Variants in VIP observed in about 807,000 individuals in gnomAD.
The protein encoded by VIP is VIP peptides.
VIP carries 18 observed loss-of-function variants against 20.1 expected under a neutral mutation model. The ratio of observed to expected loss-of-function variants is 0.90; its 90% CI spans 0.62 to 1.33. The LOEUF (loss-of-function observed/expected upper bound fraction) is 1.33. Ranked by LOEUF, VIP falls within the 40% of genes most tolerant of loss-of-function variation. The pLI is 0.00. For missense variants in VIP, 209 were observed against 199.4 expected, an observed-to-expected ratio of 1.05 and a Z score of -0.29; for synonymous variants, 70 against 68.1, an observed-to-expected ratio of 1.03 and a Z score of -0.14.
intron 5 of VIP, 110 bp from the exon 6 acceptor site, chr6:152,756,986 C>T: frequency 1.0e-6 from 1 of 958,054 alleles, no homozygotes; most frequent in Non-Finnish European, 1.6e-6. Context: ...TTAGCCTCCC[C>T]ATACACTTTC....
At position 152,752,208 on chromosome 6, in the gene VIP, G is replaced by A. The variant is rs773308787; in HGVS notation, c.31G>A (p.Val11Met). MDTRNKAQLL[V>M]LLTLLSVLFS... ...CACCAGAAATAAGGCCCAGCTCCTT[G>A]TGCTCCTGACTCTTCTCAGTGTGCT... Residue 11 changes from valine to methionine, a missense_variant, in exon 2 of 7, where the codon GTG becomes ATG. By Grantham distance (21) the Val-to-Met change is conservative. Coordinates refer to ENST00000367244, the MANE Select transcript of VIP (RefSeq NM_003381.4). The A allele has an allele frequency of 6.2e-7, 1 of 1,613,502 alleles. No individual in the cohort carries two copies.
chr6:152,753,744 C>T lies in VIP; in HGVS notation c.108-422C>T, dbSNP rs141354226. Reference sequence around the variant, plus strand: ...TTGGAACAGGTAATACTGAACATCACCAAATCCATAAATTGTTATCAGTTC... The same window carrying T: ...TTGGAACAGGTAATACTGAACATCATCAAATCCATAAATTGTTATCAGTTC... On this transcript the variant is annotated intron_variant, in intron 2 of 6. Transcript: ENST00000367244. Among the ~76,000 whole-genome samples the T allele has an allele frequency of 3.5e-3, 528 of 152,144 alleles. 3 individuals carry two copies. Among genetic ancestry groups the T allele is most frequent in the Non-Finnish European group, 5.5e-3 (377 of 67,968 alleles).
rs1200247544 is a variant in VIP, at chr6:152,754,148, T to C, written c.108-18T>C. On this transcript the variant is annotated intron_variant, in intron 2 of 6. Transcript: ENST00000367244. ...CTGAAAAAAGAATGTATTATTCTCG[T>C]GTAACTTTCCCCATCAGGTTGGGTG... The C allele has an allele frequency of 6.2e-7, 1 of 1,606,456 alleles. No individual in the cohort carries two copies. The highest frequency in any genetic ancestry group is 8.5e-7 in the Non-Finnish European group (1 of 1,176,694).
At position 152,752,248 on chromosome 6, in the gene VIP, C is replaced by T. The variant is rs770412296; in HGVS notation, c.71C>T (p.Ser24Leu). ...CTCAGTGTGCTCTTCTCACAGACTTCGGCATGGCCTCTTTACAGGGCACCT... is the reference window on the plus strand; with the variant it reads ...CTCAGTGTGCTCTTCTCACAGACTTTGGCATGGCCTCTTTACAGGGCACCT... Reference protein sequence around the residue: ...TLLSVLFSQTSAWPLYRAPSA... With the variant: ...TLLSVLFSQTLAWPLYRAPSA... Residue 24 changes from serine to leucine, a missense_variant, in exon 2 of 7, where the codon TCG becomes TTG. By Grantham distance (145) the Ser-to-Leu change is moderately radical (BLOSUM62 -2). Coordinates refer to ENST00000367244, the MANE Select transcript of VIP (RefSeq NM_003381.4). The T allele has an allele frequency of 1.7e-5, 27 of 1,613,384 alleles. No homozygotes were observed. The highest frequency in any genetic ancestry group is 6.7e-5 in the East Asian group (3 of 44,874).
intron 5 of VIP, among the ~76,000 whole-genome samples, chr6:152,756,770 G>T (rs1373026271): frequency 6.6e-6 from 1 of 151,680 alleles, no homozygotes; most frequent in Non-Finnish European, 1.5e-5. Flanking sequence ...GTAAATATTG[G>T]ACACAATACA....
rs2099730542 is a variant in VIP, at chr6:152,757,127, G to C, written c.499G>C (p.Glu167Gln). 2 of 1,611,722 alleles carry C rather than the reference G, an allele frequency of 1.2e-6. No homozygotes were observed. The highest frequency in any genetic ancestry group is 1.3e-5 in the African/African-American group (1 of 74,780). The change falls in exon 6 of 7, where the codon GAG becomes CAG. Residue 167 changes from glutamate (E) to glutamine (Q), a missense_variant. Coordinates refer to ENST00000367244, the MANE Select transcript of VIP (RefSeq NM_003381.4). ...GGGAGAATCTCCCGACTTTCCAGAAGAGTTAGAAAAATGATGAAAAAGACC... is the reference window on the plus strand; with the variant it reads ...GGGAGAATCTCCCGACTTTCCAGAACAGTTAGAAAAATGATGAAAAAGACC... The part of the protein sequence containing the change: ...SEGESPDFPE[E>Q]LEK
intron 6 of VIP, among the ~76,000 whole-genome samples, chr6:152,757,727 C>G (rs1204336345): frequency 6.6e-6 from 1 of 151,870 alleles, no homozygotes; most frequent in Non-Finnish European, 1.5e-5. Context: ...GCTTGTTTTA[C>G]CTGTAAGTTT....
intron 2 of VIP, among the ~76,000 whole-genome samples, chr6:152,753,675 T>A (rs1457781014): frequency 6.6e-6 from 1 of 151,816 alleles, no homozygotes; most frequent in Non-Finnish European, 1.5e-5. Flanking sequence ...AGCTTGGGGG[T>A]CGAGAGAGAG....
rs1400367375 is a variant in VIP, at chr6:152,752,220, C to T, written c.43C>T (p.Leu15Phe). ...GGCCCAGCTCCTTGTGCTCCTGACT[C>T]TTCTCAGTGTGCTCTTCTCACAGAC... Reference protein sequence around the residue: ...NKAQLLVLLTLLSVLFSQTSA... With the variant: ...NKAQLLVLLTFLSVLFSQTSA... Residue 15 changes from leucine (L) to phenylalanine (F), a missense_variant, in exon 2 of 7, where the codon CTT (leucine) becomes TTT (phenylalanine). By Grantham distance (22) the Leu-to-Phe change is conservative (BLOSUM62 0). Coordinates refer to ENST00000367244, the MANE Select transcript of VIP (RefSeq NM_003381.4). 6 of 1,613,580 alleles carry T rather than the reference C, an allele frequency of 3.7e-6. No homozygotes were observed. Among genetic ancestry groups the T allele is most frequent in the Non-Finnish European group, 5.1e-6 (6 of 1,179,648 alleles).
chr6:152,753,191 A>G (rs529986597), intron 2 of VIP, among the ~76,000 whole-genome samples: 18 of 152,124 alleles, frequency 1.2e-4, no homozygotes, highest in Admixed American at 7.9e-4. Flanking sequence ...ACTAAACAAA[A>G]TGGTTCTATC....
Position 152,757,130 on chromosome 6 carries a change from T to G in VIP, c.502T>G (p.Leu168Val), listed in dbSNP as rs2099730543. 6.2e-7 allele frequency: 1 copy of G among 1,611,518 alleles called. No homozygotes were observed. Among genetic ancestry groups the G allele is most frequent in the South Asian group, 1.1e-5 (1 of 90,924 alleles). Residue 168 changes from leucine (L) to valine (V), a missense_variant, in exon 6 of 7, where the codon TTA becomes GTA. Leu to Val is a conservative substitution (Grantham distance 32). Coordinates refer to ENST00000367244, the MANE Select transcript of VIP (RefSeq NM_003381.4). ...EGESPDFPEE[L>V]EK ...AGAATCTCCCGACTTTCCAGAAGAG[T>G]TAGAAAAATGATGAAAAAGACCTTT...
In VIP at chr6:152,757,188, G is replaced by A. The variant is rs1007082164; in HGVS notation, c.*43+4G>A. The A allele has an allele frequency of 1.3e-6, 2 of 1,579,580 alleles. No individual in the cohort carries two copies. The highest frequency in any genetic ancestry group is 3.4e-5 in the Admixed American group (2 of 59,134). On this transcript the variant is annotated splice_donor_region_variant and intron_variant, in intron 6 of 6. Transcript: ENST00000367244. ...AGCTGATGACAACTTCCCAGTGGTG[G>A]GTATATTCGTGCATTCCTTCTGTAT...
intron 1 of VIP, among the ~76,000 whole-genome samples, chr6:152,751,276 C>CA (rs2099729588): frequency 6.6e-6 from 1 of 151,984 alleles, no homozygotes; most frequent in South Asian, 2.1e-4. Context: ...TCAGTGGGAA[C>CA]ATTTGCTTTT....
At position 152,754,220 on chromosome 6, in the gene VIP, A is replaced by G. The variant is rs373813295; in HGVS notation, c.162A>G (p.Leu54=). The G allele has an allele frequency of 6.2e-7, 1 of 1,612,046 alleles. No individual in the cohort carries two copies. Among genetic ancestry groups the G allele is most frequent in the Non-Finnish European group, 8.5e-7 (1 of 1,178,776 alleles). Residue 54 remains leucine (L), a synonymous_variant, in exon 3 of 7, where the codon TTA becomes TTG. Transcript: ENST00000367244. ...EGANEPDQVS[L]KEDIDMLQNA... ...CAAATGAACCTGATCAAGTTTCATT[A>G]AAAGAAGACATTGACATGTTGCAAA...
At chr6:152,755,109 A>T (rs544691130) in intron 3 of VIP, among the ~76,000 whole-genome samples, 160 bp from the exon 4 acceptor site, 1 of 151,938 alleles carries the variant, frequency 6.6e-6, no homozygotes, top group East Asian at 1.9e-4. Context: ...TGACTAGAAG[A>T]TCTCTTTTGT....
intron 4 of VIP, among the ~76,000 whole-genome samples, chr6:152,755,751 C>CA (rs1408400591): frequency 6.6e-6 from 1 of 151,284 alleles, no homozygotes; most frequent in Non-Finnish European, 1.5e-5. Context: ...TCCAAATGGC[C>CA]AACAGTCAAA....
At position 152,754,288 on chromosome 6, in the gene VIP, G is replaced by A. The variant is rs201856361; in HGVS notation, c.230G>A (p.Arg77Lys). ...GACACACCCTATTATGATGTATCCA[G>A]GTGAGTTTATTTTTATAAAACTATC... is the stretch of plus-strand genomic sequence containing the variant. ...ENDTPYYDVS[R>K]NARHADGVFT... Residue 77 changes from arginine to lysine, a missense_variant and splice_region_variant, in exon 3 of 7, where the codon AGA becomes AAA. Arg to Lys is a conservative substitution (Grantham distance 26). Coordinates refer to ENST00000367244, the MANE Select transcript of VIP (RefSeq NM_003381.4). 81 of 1,593,522 alleles carry A rather than the reference G, an allele frequency of 5.1e-5. No individual in the cohort carries two copies. In the Middle Eastern group the frequency reaches 2.7e-3, roughly 53 times the overall value.
chr6:152,757,245 T>G, intron 6 of VIP, 61 bp downstream of exon 6: 5 of 1,101,652 alleles, frequency 4.5e-6, no homozygotes, highest in Non-Finnish European at 6.6e-6. Flanking sequence ...TATAAGTAGC[T>G]AAGAGTCACT....
chr6:152,753,169 G>A (rs902641561), intron 2 of VIP, among the ~76,000 whole-genome samples: 6 of 152,024 alleles, frequency 3.9e-5, no homozygotes, highest in African/African-American at 1.2e-4. Context: ...CAGCTCCTGC[G>A]TTGCTTTGAT....
Sources: gnomAD v4.1 joint callset for allele counts (sites outside exome capture counted in the v4.1 genomes callset) on GRCh38, gnomAD v4.1.1 for gene constraint, MANE v1.5 for transcripts, NCBI Gene and HGNC (gene_info 2026-07-23, HGNC 2026-07-21) for gene names.